The following RUNX1 variants were observed in gnomAD, a reference collection of about 807,000 sequenced individuals.
RUNX1 encodes the protein runt-related transcription factor 1.
Under a neutral mutation model 42.8 loss-of-function variants are expected in RUNX1, and 19 were observed. The ratio of observed to expected loss-of-function variants is 0.44; its 90% confidence interval spans 0.31 to 0.65. The LOEUF (loss-of-function observed/expected upper bound fraction) is 0.65. Among genes scored for constraint, RUNX1 ranks in the 30% least tolerant of loss-of-function variants. RUNX1 has a pLI of 0.07. For missense variants in RUNX1, 528 were observed against 672.0 expected (o/e 0.79, Z 2.37); for synonymous variants, 271 against 289.4 (o/e 0.94, Z 0.64).
chr21:35,003,363 TGTGA>T (rs1265411850), intron 2 of RUNX1, among the ~76,000 whole-genome samples: 1 of 152,158 alleles, frequency 6.6e-6, no homozygotes, highest in African/African-American at 2.4e-5. Context: ...TTCGCCTGCA[TGTGA>T]GTAACAAGGA....
chr21:34,920,598 A>T (rs558087696), intron 2 of RUNX1, among the ~76,000 whole-genome samples: 10 of 152,290 alleles, frequency 6.6e-5, no homozygotes, highest in Admixed American at 1.3e-4. Flanking sequence ...AAACTTTTAG[A>T]TTGTTAAGGA....
intron 2 of RUNX1, among the ~76,000 whole-genome samples, chr21:34,964,814 C>G (rs1045796856): frequency 4.6e-5 from 7 of 152,218 alleles, no homozygotes; most frequent in Non-Finnish European, 1.0e-4. Flanking sequence ...TACCTATGAT[C>G]TCTTCTGACT....
chr21:34,881,417 A>T (rs1174452542), intron 4 of RUNX1, among the ~76,000 whole-genome samples: 1 of 152,230 alleles, frequency 6.6e-6, no homozygotes, highest in Non-Finnish European at 1.5e-5. Flanking sequence ...GAGTTTTACT[A>T]GCAATGAATT....
intron 2 of RUNX1, among the ~76,000 whole-genome samples, chr21:34,979,705 G>A (rs530000711): frequency 2.0e-5 from 3 of 152,270 alleles, no homozygotes; most frequent in Non-Finnish European, 2.9e-5. Flanking sequence ...TCTATTTCAC[G>A]TCTGTTTTAA....
Position 34,788,758 on chromosome 21 carries a change from G to A in RUNX1, c.*3377C>T, listed in dbSNP as rs1601326667. 1 of 233,410 alleles carries A rather than the reference G, an allele frequency of 4.3e-6. No individual in the cohort carries two copies. Among genetic ancestry groups the A allele is most frequent in the Non-Finnish European group, 8.5e-6 (1 of 117,984 alleles). 14.5% of individuals were successfully genotyped at this position (233,410 alleles called of 1,614,324 possible). On this transcript the variant is annotated 3_prime_UTR_variant, in exon 9 of 9. Transcript: ENST00000675419. The stretch of plus-strand genomic sequence containing the variant: ...CAAAAATCCCAAAACAAATGTATAC[G>A]CTACGGTAAACAAAAAGGCATTTTG...
At chr21:34,935,984 C>T (rs752052616) in intron 2 of RUNX1, among the ~76,000 whole-genome samples, 6 of 152,158 alleles carry the variant, frequency 3.9e-5, no homozygotes, top group South Asian at 2.1e-4. Context: ...ACATAGCACA[C>T]GGCTGTACTC....
chr21:34,806,903 A>G (rs2056687953), intron 7 of RUNX1, among the ~76,000 whole-genome samples: 1 of 152,200 alleles, frequency 6.6e-6, no homozygotes, highest in Admixed American at 6.5e-5. Context: ...AAGAGAAATT[A>G]AAAAATGTTT....
intron 5 of RUNX1, among the ~76,000 whole-genome samples, chr21:34,873,726 A>T (rs1157159457): frequency 6.6e-6 from 1 of 152,214 alleles, no homozygotes; most frequent in Non-Finnish European, 1.5e-5. Flanking sequence ...ACTAACAGGG[A>T]CTGGGCAATG....
At position 34,794,848 on chromosome 21, in the gene RUNX1, A is replaced by G. The variant is rs78175368; in HGVS notation, c.968-2238T>C. Reference sequence around the variant, plus strand: ...GTGTGGCAGCATCTCTGCTTTACCCATTAGGTGTTAGTAGCATCGCCCGCC... The same window carrying G: ...GTGTGGCAGCATCTCTGCTTTACCCGTTAGGTGTTAGTAGCATCGCCCGCC... On this transcript the variant is annotated intron_variant, in intron 8 of 8. Coordinates refer to ENST00000675419, the MANE Select transcript of RUNX1 (RefSeq NM_001754.5). Among the ~76,000 whole-genome samples, 888 of 152,254 alleles carry G rather than the reference A, an allele frequency of 5.8e-3. 4 individuals are homozygous for G. The highest frequency in any genetic ancestry group is 0.02 in the African/African-American group (835 of 41,540).
intron 2 of RUNX1, among the ~76,000 whole-genome samples, chr21:34,990,463 G>GA (rs1161175761): frequency 2.0e-5 from 3 of 152,048 alleles, no homozygotes; most frequent in Non-Finnish European, 2.9e-5. Flanking sequence ...CCATAGTGGG[G>GA]AAAAATGAGC....
chr21:34,886,493 G>A (rs1035592197), intron 4 of RUNX1, among the ~76,000 whole-genome samples: 2 of 152,268 alleles, frequency 1.3e-5, no homozygotes, highest in Admixed American at 6.5e-5. Context: ...GCAGCAGTAA[G>A]TTAGCAGACG....
intron 7 of RUNX1, among the ~76,000 whole-genome samples, chr21:34,804,299 G>A (rs2056649231): frequency 6.6e-6 from 1 of 152,136 alleles, no homozygotes; most frequent in Admixed American, 6.5e-5. Flanking sequence ...ATTCTCACAG[G>A]ATCCAATATA....
intron 2 of RUNX1, among the ~76,000 whole-genome samples, chr21:34,973,258 A>G (rs1268762985): frequency 6.6e-6 from 1 of 152,156 alleles, no homozygotes; most frequent in African/African-American, 2.4e-5. Context: ...GTGATGTTAT[A>G]TTGTAGTGGT....
intron 7 of RUNX1, among the ~76,000 whole-genome samples, chr21:34,826,887 C>G (rs2056995988): frequency 6.6e-6 from 1 of 152,168 alleles, no homozygotes; most frequent in Admixed American, 6.5e-5. Context: ...AACTGTATAA[C>G]CGTGAAGGCT....
chr21:34,962,696 C>T (rs1179293849), intron 2 of RUNX1, among the ~76,000 whole-genome samples: 2 of 152,184 alleles, frequency 1.3e-5, no homozygotes, highest in Non-Finnish European at 2.9e-5. Flanking sequence ...CGCAAGTTTC[C>T]ACTCCCTCGT....
At chr21:34,867,452 A>T (rs915293840) in intron 5 of RUNX1, among the ~76,000 whole-genome samples, 13 of 151,960 alleles carry the variant, frequency 8.6e-5, no homozygotes, top group Non-Finnish European at 1.9e-4. Flanking sequence ...AAAATCAATG[A>T]ATCACTCTGC....
chr21:34,850,222 C>G (rs893472849), intron 6 of RUNX1, among the ~76,000 whole-genome samples: 2 of 152,204 alleles, frequency 1.3e-5, no homozygotes, highest in Admixed American at 1.3e-4. Context: ...GTCCATCCAT[C>G]CCCATGGGAG....
chr21:34,982,420 C>T (rs529232571), intron 2 of RUNX1, among the ~76,000 whole-genome samples: 21 of 40,392 alleles, frequency 5.2e-4, no homozygotes, highest in African/African-American at 2.0e-3. Context: ...GTGTGTGTGA[C>T]GGAAAGAAAG....
Position 34,928,965 on chromosome 21 carries a change from G to GT in RUNX1, c.59-36003_59-36002insA, listed in dbSNP as rs971389956. ...CTTATTTCTACAGATTTTTTTTGGG[G>GT]GGGGGGGTAGATTTCACTTTGTGTA... On this transcript the variant is annotated intron_variant, in intron 2 of 8. Coordinates refer to ENST00000675419, the MANE Select transcript of RUNX1 (RefSeq NM_001754.5). 1.6e-3 allele frequency among the ~76,000 whole-genome samples: 238 copies of GT among 148,504 alleles called. 1 individual carries two copies. Among genetic ancestry groups the GT allele is most frequent in the Admixed American group, 5.8e-3 (86 of 14,752 alleles).
Sources: gnomAD v4.1 joint callset for allele counts (sites outside exome capture counted in the v4.1 genomes callset) on GRCh38, gnomAD v4.1.1 for gene constraint, MANE v1.5 for transcripts, NCBI Gene and HGNC (gene_info 2026-07-23, HGNC 2026-07-21) for gene names.